The following LRP1B variants were observed in gnomAD, a reference collection of about 807,000 sequenced individuals.
LRP1B encodes LDL receptor related protein 1B.
In LRP1B, 217 loss-of-function variants were observed where a neutral mutation model predicts 556.6. The observed-to-expected ratio is 0.39, with a 90% CI of 0.35 to 0.44. LRP1B has a LOEUF of 0.44. Among genes scored for constraint, LRP1B ranks in the 20% least tolerant of loss-of-function variants. LRP1B has a pLI of 1.00. For missense variants in LRP1B, 5,053 were observed against 5,620.8 expected, an observed-to-expected ratio of 0.90 and a Z score of 3.23; for synonymous variants, 2,047 against 1,865.8, an observed-to-expected ratio of 1.10 and a Z score of -2.50.
At chr2:140,723,556 T>C (rs5028533) in intron 35 of LRP1B, among the ~76,000 whole-genome samples, 125,146 of 152,028 alleles carry the variant, frequency 0.82, 51,656 homozygotes, top group East Asian at 0.93. Context: ...TTAAATTATG[T>C]TAGCATAATT....
At chr2:142,011,558 C>A (rs979303257) in intron 1 of LRP1B, among the ~76,000 whole-genome samples, 3 of 152,128 alleles carry the variant, frequency 2.0e-5, no homozygotes, top group Non-Finnish European at 4.4e-5. Flanking sequence ...TTTAATTATA[C>A]CTCTTTCCAC....
intron 1 of LRP1B, among the ~76,000 whole-genome samples, chr2:141,881,706 A>G (rs536708500): frequency 6.6e-6 from 1 of 152,202 alleles, no homozygotes; most frequent in South Asian, 2.1e-4. Flanking sequence ...CCTACCTTTG[A>G]AATCCCCATA....
chr2:140,243,868 C>T (rs899653720), intron 87 of LRP1B, among the ~76,000 whole-genome samples: 1 of 151,336 alleles, frequency 6.6e-6, no homozygotes, highest in Non-Finnish European at 1.5e-5. Flanking sequence ...GCTGAAGTAT[C>T]ACCACCTCAG....
intron 34 of LRP1B, among the ~76,000 whole-genome samples, chr2:140,769,576 A>G (rs1020259512): frequency 2.0e-4 from 30 of 151,976 alleles, no homozygotes; most frequent in African/African-American, 7.2e-4. Context: ...GGAATTTATT[A>G]AAATGAATTA....
chr2:141,718,898 G>T (rs1166140568), intron 2 of LRP1B, among the ~76,000 whole-genome samples: 1 of 152,062 alleles, frequency 6.6e-6, no homozygotes, highest in Non-Finnish European at 1.5e-5. Context: ...AAAGTTAAAA[G>T]GTTAATCTTG....
chr2:141,118,024 C>T (rs1350935386), intron 7 of LRP1B, among the ~76,000 whole-genome samples: 1 of 151,804 alleles, frequency 6.6e-6, no homozygotes, highest in African/African-American at 2.4e-5. Context: ...GCTTAACTCC[C>T]AACATCAAGG....
chr2:140,936,553 G>A (rs1007696782), intron 20 of LRP1B, among the ~76,000 whole-genome samples: 2 of 151,728 alleles, frequency 1.3e-5, no homozygotes, highest in African/African-American at 2.4e-5. Context: ...GGAGTTCTCT[G>A]GTGAAATGAA....
At chr2:141,132,046 C>T (rs1191169325) in intron 7 of LRP1B, among the ~76,000 whole-genome samples, 4 of 152,086 alleles carry the variant, frequency 2.6e-5, no homozygotes, top group Admixed American at 6.6e-5. Context: ...CCTTTGTATC[C>T]TCATGGCTTA....
chr2:141,335,174 A>T (rs570820499), intron 3 of LRP1B, among the ~76,000 whole-genome samples: 2 of 152,330 alleles, frequency 1.3e-5, no homozygotes, highest in East Asian at 3.9e-4. Context: ...CTACAAGTTC[A>T]CAATATGATG....
At chr2:140,779,960 T>C (rs1441378468) in intron 32 of LRP1B, among the ~76,000 whole-genome samples, 2 of 150,498 alleles carry the variant, frequency 1.3e-5, no homozygotes, top group Admixed American at 1.3e-4. Flanking sequence ...CCAGAATAAA[T>C]GCTATGAGGC....
chr2:141,246,569 A>C (rs1684075172), intron 5 of LRP1B, among the ~76,000 whole-genome samples: 1 of 152,224 alleles, frequency 6.6e-6, no homozygotes, highest in Non-Finnish European at 1.5e-5. Context: ...GCAGAAGCTC[A>C]CAGAACCCAG....
At chr2:141,361,618 A>C (rs1416813550) in intron 3 of LRP1B, among the ~76,000 whole-genome samples, 1 of 152,182 alleles carries the variant, frequency 6.6e-6, no homozygotes, top group Admixed American at 6.5e-5. Flanking sequence ...AGCATTGTTT[A>C]TAATTTCTTT....
intron 53 of LRP1B, among the ~76,000 whole-genome samples, chr2:140,505,693 T>C (rs1360783148): frequency 6.6e-6 from 1 of 152,194 alleles, no homozygotes; most frequent in Non-Finnish European, 1.5e-5. Context: ...AATGTAAGAC[T>C]TCACGCTGAA....
chr2:141,548,146 C>T (rs868514410), intron 2 of LRP1B, among the ~76,000 whole-genome samples: 7 of 152,260 alleles, frequency 4.6e-5, no homozygotes, highest in Middle Eastern at 3.4e-3. Context: ...GTTATTTTAC[C>T]TTTCCTAATG....
chr2:141,220,391 A>G lies in LRP1B; in HGVS notation c.850+8792T>C, dbSNP rs183433289. The stretch of plus-strand genomic sequence containing the variant: ...AAGGTTAGAGAAAAAATAAAAAGGA[A>G]CAAACAAAACATGAGAACTATGGGG... On this transcript the variant is annotated intron_variant, in intron 6 of 90. Coordinates refer to ENST00000389484, the MANE Select transcript of LRP1B (RefSeq NM_018557.3). 4.6e-5 allele frequency among the ~76,000 whole-genome samples: 7 copies of G among 152,260 alleles called. No homozygotes were observed. The East Asian group carries it at 1.2e-3, about 25-fold the overall frequency.
chr2:141,439,492 ATAAG>A (rs1322161436), intron 3 of LRP1B, among the ~76,000 whole-genome samples: 4 of 151,900 alleles, frequency 2.6e-5, no homozygotes, highest in Non-Finnish European at 1.5e-5. Flanking sequence ...ATATAGAATT[ATAAG>A]TAATAACACA....
At chr2:141,762,883 T>A (rs995542216) in intron 2 of LRP1B, among the ~76,000 whole-genome samples, 1 of 152,246 alleles carries the variant, frequency 6.6e-6, no homozygotes, top group African/African-American at 2.4e-5. Context: ...CCAGGTCACA[T>A]CCCAATCTCT....
chr2:141,780,281 T>C (rs970763511), intron 2 of LRP1B, among the ~76,000 whole-genome samples: 1 of 151,962 alleles, frequency 6.6e-6, no homozygotes, highest in South Asian at 2.1e-4. Context: ...TAAAAAGTAG[T>C]AGTTTTAAAC....
At chr2:140,677,960 C>T (rs550089619) in intron 41 of LRP1B, among the ~76,000 whole-genome samples, 1 of 151,422 alleles carries the variant, frequency 6.6e-6, no homozygotes, top group Non-Finnish European at 1.5e-5. Context: ...TATGCACTTG[C>T]TATGTTGTGA....
Sources: gnomAD v4.1 joint callset for allele counts (sites outside exome capture counted in the v4.1 genomes callset) on GRCh38, gnomAD v4.1.1 for gene constraint, MANE v1.5 for transcripts, NCBI Gene and HGNC (gene_info 2026-07-23, HGNC 2026-07-21) for gene names.